The following KIF6 variants were observed in gnomAD, a reference collection of about 807,000 sequenced individuals.
KIF6 encodes kinesin-like protein KIF6.
KIF6 carries 106 observed loss-of-function variants against 112.7 expected under a neutral mutation model. The observed-to-expected ratio is 0.94, with a 90% confidence interval of 0.80 to 1.11. The LOEUF (loss-of-function observed/expected upper bound fraction) is 1.11. Among genes scored for constraint, KIF6 ranks in the 50% least tolerant of loss-of-function variants. The pLI is 0.00. For missense variants in KIF6, 929 were observed against 964.0 expected, an observed-to-expected ratio of 0.96 and a Z score of 0.48; for synonymous variants, 339 against 339.9, an observed-to-expected ratio of 1.00 and a Z score of 0.03.
At chr6:39,531,663 C>T (rs974327378) in intron 13 of KIF6, among the ~76,000 whole-genome samples, 4 of 152,186 alleles carry the variant, frequency 2.6e-5, no homozygotes, top group East Asian at 3.8e-4. Context: ...AAGGCACTCA[C>T]GGTTCTTGTC....
chr6:39,388,818 G>C lies in KIF6; in HGVS notation c.1811-3146C>G, dbSNP rs1238048451. 1.8e-4 allele frequency among the ~76,000 whole-genome samples: 27 copies of C among 152,328 alleles called. 2 individuals carry two copies. The East Asian group carries it at 5.0e-3, about 28-fold the overall frequency. ...ATGGAAAAGAGATGAAATGGAAACA[G>C]AGAACTCCCAGCCTGAGGCCGGAGA... is the stretch of plus-strand genomic sequence containing the variant. On this transcript the variant is annotated intron_variant, in intron 15 of 22. Transcript: ENST00000287152.
At chr6:39,427,251 A>G (rs994104447) in intron 14 of KIF6, among the ~76,000 whole-genome samples, 32 of 152,162 alleles carry the variant, frequency 2.1e-4, no homozygotes, top group African/African-American at 6.8e-4. Context: ...AGGGAATGGA[A>G]GCAAATGTGT....
chr6:39,485,097 G>A (rs1276216005), intron 13 of KIF6, among the ~76,000 whole-genome samples: 1 of 152,186 alleles, frequency 6.6e-6, no homozygotes, highest in Non-Finnish European at 1.5e-5. Context: ...TTGTCCCACT[G>A]CTAGTAAGCA....
intron 10 of KIF6, among the ~76,000 whole-genome samples, chr6:39,548,178 A>T (rs1413930450): frequency 6.6e-6 from 1 of 152,234 alleles, no homozygotes; most frequent in South Asian, 2.1e-4. Flanking sequence ...TAGTTTAATC[A>T]CAAGTACATA....
intron 6 of KIF6, among the ~76,000 whole-genome samples, chr6:39,606,300 A>G (rs1022543897): frequency 8.6e-5 from 13 of 151,900 alleles, no homozygotes; most frequent in African/African-American, 3.1e-4. Flanking sequence ...CTATAATATT[A>G]AGCTATTTTT....
intron 20 of KIF6, among the ~76,000 whole-genome samples, chr6:39,346,146 T>G (rs1037006368): frequency 8.1e-6 from 1 of 122,716 alleles, no homozygotes; most frequent in Non-Finnish European, 1.6e-5. Context: ...TCTCTCTCTC[T>G]CTCTCTCTCT....
chr6:39,457,233 A>G (rs1410340297), intron 13 of KIF6, among the ~76,000 whole-genome samples: 8 of 151,842 alleles, frequency 5.3e-5, no homozygotes, highest in African/African-American at 7.3e-5. Context: ...AAGCCGCTCA[A>G]CTACATGGAA....
At chr6:39,534,764 A>G (rs1372235844) in intron 13 of KIF6, among the ~76,000 whole-genome samples, 1 of 152,238 alleles carries the variant, frequency 6.6e-6, no homozygotes, top group East Asian at 1.9e-4. Context: ...TAATTGTCAG[A>G]TTCACCAAAG....
intron 5 of KIF6, among the ~76,000 whole-genome samples, chr6:39,629,056 A>G (rs542261249): frequency 1.3e-5 from 2 of 152,174 alleles, no homozygotes; most frequent in South Asian, 4.1e-4. Context: ...GATGTACTAC[A>G]GTTTATCTGT....
At chr6:39,337,130 T>TCCTG in intron 22 of KIF6, among the ~76,000 whole-genome samples, 1 of 81,634 alleles carries the variant, frequency 1.2e-5, no homozygotes, top group Non-Finnish European at 2.8e-5. Context: ...CTTTCTTTCC[T>TCCTG]CCTTCCTTCC....
intron 13 of KIF6, among the ~76,000 whole-genome samples, chr6:39,483,700 C>A (rs1774946467): frequency 6.6e-6 from 1 of 152,136 alleles, no homozygotes; most frequent in Admixed American, 6.5e-5. Context: ...AGGCCTTTAT[C>A]CGAGATTCAA....
intron 6 of KIF6, among the ~76,000 whole-genome samples, chr6:39,599,348 T>C (rs1247407854): frequency 6.6e-6 from 1 of 152,232 alleles, no homozygotes; most frequent in African/African-American, 2.4e-5. Flanking sequence ...GAGTAACACA[T>C]TTGAATGGCA....
intron 5 of KIF6, among the ~76,000 whole-genome samples, chr6:39,627,532 G>A (rs950037548): frequency 4.6e-5 from 7 of 152,168 alleles, no homozygotes; most frequent in African/African-American, 1.4e-4. Flanking sequence ...TGTAAGTCAT[G>A]AGAGCAGAGA....
intron 3 of KIF6, among the ~76,000 whole-genome samples, chr6:39,644,569 A>G (rs1462296313): frequency 6.6e-6 from 1 of 152,172 alleles, no homozygotes; most frequent in Non-Finnish European, 1.5e-5. Context: ...AAAAGATGAT[A>G]TATTGTGATT....
chr6:39,638,299 AC>A (rs1784730404), intron 4 of KIF6, among the ~76,000 whole-genome samples: 1 of 152,108 alleles, frequency 6.6e-6, no homozygotes, highest in African/African-American at 2.4e-5. Flanking sequence ...CCCCAAGGCC[AC>A]ATGCTGTAAG....
chr6:39,391,947 G>GTATA (rs546322111), intron 15 of KIF6, among the ~76,000 whole-genome samples: 1 of 151,284 alleles, frequency 6.6e-6, no homozygotes, highest in South Asian at 2.1e-4. Flanking sequence ...ATGAATGCAT[G>GTATA]TATATATATA....
At position 39,342,470 on chromosome 6, in the gene KIF6, A is replaced by AGAAG. The variant is rs1562107570; in HGVS notation, c.2428+1238_2428+1239insCTTC. Among the ~76,000 whole-genome samples the AGAAG allele has an allele frequency of 6.6e-6, 1 of 152,186 alleles. No homozygotes were observed. Among genetic ancestry groups the AGAAG allele is most frequent in the East Asian group, 1.9e-4 (1 of 5,194 alleles). On this transcript the variant is annotated intron_variant, in intron 22 of 22. Transcript: ENST00000287152. The surrounding 1 kb of genome is among the most constrained non-coding windows in gnomAD (Gnocchi z 4.7). ...ACCAGCACTAGTAGTAGTGCCTGGCATAAGAAGGCACCCAACATATACAGT... is the reference window on the plus strand; with the variant it reads ...ACCAGCACTAGTAGTAGTGCCTGGCAGAAGTAAGAAGGCACCCAACATATACAGT...
chr6:39,634,085 A>C (rs1784492412), intron 5 of KIF6, among the ~76,000 whole-genome samples: 2 of 152,276 alleles, frequency 1.3e-5, no homozygotes, highest in South Asian at 4.1e-4. Flanking sequence ...TAAACAACTG[A>C]TTTGTAATCT....
At chr6:39,649,097 A>G (rs1785327072) in intron 3 of KIF6, among the ~76,000 whole-genome samples, 1 of 152,160 alleles carries the variant, frequency 6.6e-6, no homozygotes, top group African/African-American at 2.4e-5. Context: ...CAGGACTTCA[A>G]GGTTACTGTG....
Sources: gnomAD v4.1 joint callset for allele counts (sites outside exome capture counted in the v4.1 genomes callset) on GRCh38, gnomAD v4.1.1 for gene constraint, Gnocchi (gnomAD v3.1) non-coding constraint, MANE v1.5 for transcripts, NCBI Gene and HGNC (gene_info 2026-07-23, HGNC 2026-07-21) for gene names.